The following EYS variants were observed in gnomAD, a reference collection of about 807,000 sequenced individuals.
The protein encoded by EYS is EGF-like photoreceptor maintenance factor, also known as protein eyes shut homolog.
EYS carries 250 observed loss-of-function variants against 282.1 expected under a neutral mutation model. That is an observed-to-expected ratio of 0.89 (90% CI 0.80 to 0.98). The LOEUF is 0.98. Among genes scored for constraint, EYS ranks in the 50% least tolerant of loss-of-function variants. The pLI is 0.00. For synonymous variants in EYS, 1,355 were observed against 1,282.9 expected (o/e 1.06, Z -1.20); for missense variants, 4,016 against 3,709.0 (o/e 1.08, Z -2.15).
At chr6:64,135,470 C>T (rs1024915616) in intron 31 of EYS, among the ~76,000 whole-genome samples, 3 of 151,822 alleles carry the variant, frequency 2.0e-5, no homozygotes, top group South Asian at 4.1e-4. Flanking sequence ...CACTATAACA[C>T]TATGGGGATA....
At chr6:65,145,623 T>C (rs554815255) in intron 12 of EYS, among the ~76,000 whole-genome samples, 2 of 152,124 alleles carry the variant, frequency 1.3e-5, no homozygotes, top group South Asian at 4.1e-4. Flanking sequence ...AATGGCAATG[T>C]CATCAAACAG....
intron 26 of EYS, among the ~76,000 whole-genome samples, chr6:64,521,016 C>G (rs1276379124): frequency 6.6e-6 from 1 of 151,702 alleles, no homozygotes; most frequent in Non-Finnish European, 1.5e-5. Flanking sequence ...GATCAGAGAC[C>G]CTCATCCAGC....
In EYS at chr6:63,775,293, C is replaced by T. The variant is rs1019263132; in HGVS notation, c.7898+2713G>A. On this transcript the variant is annotated intron_variant, in intron 40 of 42. Coordinates refer to ENST00000503581, the MANE Select transcript of EYS (RefSeq NM_001142800.2). Reference sequence around the variant, plus strand: ...TCCCTTATGTACCAAAACAATGCCTCCCATCTCAGCTAAGAGGAAGGGAGC... The same window carrying T: ...TCCCTTATGTACCAAAACAATGCCTTCCATCTCAGCTAAGAGGAAGGGAGC... 1.6e-4 allele frequency among the ~76,000 whole-genome samples: 25 copies of T among 152,148 alleles called. 1 individual carries two copies. The highest frequency in any genetic ancestry group is 5.3e-4 in the African/African-American group (22 of 41,434).
chr6:64,411,144 G>A (rs1415535161), intron 28 of EYS, among the ~76,000 whole-genome samples: 1 of 151,986 alleles, frequency 6.6e-6, no homozygotes, highest in Non-Finnish European at 1.5e-5. Context: ...CTATTTTTAA[G>A]TATGACAGCT....
intron 5 of EYS, among the ~76,000 whole-genome samples, chr6:65,420,222 G>T (rs1767402743): frequency 6.6e-6 from 1 of 151,922 alleles, no homozygotes; most frequent in Non-Finnish European, 1.5e-5. Context: ...CAGAATTAAA[G>T]TTGGTCCTCG....
intron 28 of EYS, among the ~76,000 whole-genome samples, chr6:64,407,899 T>G (rs565703774): frequency 6.6e-6 from 1 of 152,092 alleles, no homozygotes; most frequent in South Asian, 2.1e-4. Context: ...GCCCAGCTAA[T>G]TTTTTGTATT....
At chr6:64,658,378 T>G (rs1292623105) in intron 22 of EYS, among the ~76,000 whole-genome samples, 2 of 152,222 alleles carry the variant, frequency 1.3e-5, no homozygotes, top group African/African-American at 4.8e-5. Context: ...CGTCCAGCAT[T>G]GTTCTGCTGC....
At chr6:64,965,207 A>T (rs79361704) in intron 14 of EYS, among the ~76,000 whole-genome samples, 6,209 of 152,194 alleles carry the variant, frequency 0.041, 144 homozygotes, top group South Asian at 0.087. Context: ...GTATTAAATG[A>T]TCTGCATCCT....
At chr6:64,901,555 A>G (rs1486636032) in intron 18 of EYS, among the ~76,000 whole-genome samples, 1 of 151,968 alleles carries the variant, frequency 6.6e-6, no homozygotes, top group Non-Finnish European at 1.5e-5. Flanking sequence ...TGATTTAGCA[A>G]ATGTGACCAT....
In EYS at chr6:65,005,271, G is replaced by T. The variant is rs968073696; in HGVS notation, c.2138-7568C>A. ...TGTTCCTGCACGGCTAAGTGCCTGC[G>T]TTCATCCTAATCGAGCTGAACGCTA... is the stretch of plus-strand genomic sequence containing the variant. On this transcript the variant is annotated intron_variant, in intron 13 of 42. Transcript: ENST00000503581. 1.4e-5 allele frequency among the ~76,000 whole-genome samples: 2 copies of T among 147,840 alleles called. 1 individual carries two copies. The highest frequency in any genetic ancestry group is 4.9e-5 in the African/African-American group (2 of 41,166).
chr6:64,078,882 A>G (rs928939554), intron 32 of EYS, among the ~76,000 whole-genome samples: 1 of 152,078 alleles, frequency 6.6e-6, no homozygotes, highest in African/African-American at 2.4e-5. Context: ...GCCTTCAAAG[A>G]TAACACATCC....
intron 26 of EYS, among the ~76,000 whole-genome samples, chr6:64,460,531 G>C (rs1189383860): frequency 1.3e-5 from 2 of 152,196 alleles, no homozygotes; most frequent in Non-Finnish European, 2.9e-5. Context: ...GAGTCACATA[G>C]ATTCCTTATG....
At chr6:64,088,182 G>A (rs144662917) in intron 31 of EYS, among the ~76,000 whole-genome samples, 1,668 of 152,102 alleles carry the variant, frequency 0.011, 25 homozygotes, top group African/African-American at 0.038. Context: ...AAGACTAATT[G>A]GGGTTAGGCA....
At chr6:65,201,434 A>G (rs183306940) in intron 12 of EYS, among the ~76,000 whole-genome samples, 3 of 152,300 alleles carry the variant, frequency 2.0e-5, no homozygotes, top group Non-Finnish European at 2.9e-5. Context: ...AATTAGTTAT[A>G]GTTTTAATAC....
intron 35 of EYS, among the ~76,000 whole-genome samples, chr6:63,903,847 A>G (rs6913283): frequency 0.47 from 72,037 of 152,028 alleles, 18,029 homozygotes; most frequent in African/African-American, 0.64. Context: ...GACATGGTCA[A>G]TGACTCCAAT....
chr6:65,698,838 A>G (rs1164664698), intron 1 of EYS, among the ~76,000 whole-genome samples: 1 of 152,184 alleles, frequency 6.6e-6, no homozygotes, highest in African/African-American at 2.4e-5. Flanking sequence ...CCCCACAGAA[A>G]CCATTAAACA....
intron 12 of EYS, among the ~76,000 whole-genome samples, chr6:65,215,287 CAGG>C (rs1766283765): frequency 6.6e-6 from 1 of 151,776 alleles, no homozygotes; most frequent in Non-Finnish European, 1.5e-5. Flanking sequence ...TCAATATTAA[CAGG>C]AGTTTAAAAG....
rs554925353 is a variant in EYS at position 64,871,674 on chromosome 6, C to T, written c.2992+15023G>A. Among the ~76,000 whole-genome samples the T allele has an allele frequency of 8.5e-5, 13 of 152,094 alleles. No homozygotes were observed. The South Asian group carries it at 1.9e-3, about 22-fold the overall frequency. On this transcript the variant is annotated intron_variant, in intron 19 of 42. Transcript: ENST00000503581. ...GGTCAACACCATACTAAACACAATG[C>T]TAAAAACACAATTACTAAAATGCTA...
intron 29 of EYS, among the ~76,000 whole-genome samples, chr6:64,350,330 G>A (rs373259381): frequency 3.3e-3 from 268 of 81,762 alleles, no homozygotes; most frequent in African/African-American, 0.011. Context: ...ACAAGCCCTT[G>A]CTTAAAAAAA....
Sources: allele counts gnomAD v4.1 joint callset (sites outside exome capture counted in the v4.1 genomes callset), GRCh38; gene constraint gnomAD v4.1.1; transcripts MANE v1.5; gene names NCBI Gene and HGNC (gene_info 2026-07-23, HGNC 2026-07-21).